The following CCDC149 variants were observed in gnomAD, a reference collection of about 807,000 sequenced individuals.
CCDC149 encodes coiled-coil domain containing 149, also known as coiled-coil domain-containing protein 149.
CCDC149 carries 45 observed loss-of-function variants against 59.9 expected under a neutral mutation model. That is an observed-to-expected ratio of 0.75 (90% CI 0.59 to 0.96). The LOEUF (loss-of-function observed/expected upper bound fraction) is 0.96. Ranked by LOEUF, CCDC149 falls within the 40% of genes least tolerant of loss-of-function variation. The pLI is 0.00. For synonymous variants in CCDC149, 245 were observed against 260.6 expected (o/e 0.94, Z 0.58); for missense variants, 584 against 664.7 (o/e 0.88, Z 1.33).
At chr4:24,938,973 G>A (rs185275645) in intron 1 of CCDC149, among the ~76,000 whole-genome samples, 16,091 of 152,268 alleles carry the variant, frequency 0.11, 1,002 homozygotes, top group African/African-American at 0.17. Context: ...TGGGGGCAGG[G>A]CACAGACAAA....
chr4:24,907,634 G>C (rs946832379), intron 1 of CCDC149, among the ~76,000 whole-genome samples: 2 of 152,178 alleles, frequency 1.3e-5, no homozygotes, highest in Non-Finnish European at 2.9e-5. Flanking sequence ...CAAAGATGGA[G>C]AGAAACTGTC....
chr4:24,805,090 C>A (rs1456570942), downstream of CCDC149, among the ~76,000 whole-genome samples: 4 of 152,084 alleles, frequency 2.6e-5, no homozygotes, highest in Non-Finnish European at 4.4e-5. Flanking sequence ...CTTCTACAGG[C>A]CTTAATCAAA....
At chr4:24,846,685 T>C (rs1371344351) in intron 4 of CCDC149, among the ~76,000 whole-genome samples, 1 of 152,104 alleles carries the variant, frequency 6.6e-6, no homozygotes, top group Non-Finnish European at 1.5e-5. Context: ...AAAACAGAGG[T>C]ACCTAAAGAC....
intron 1 of CCDC149, among the ~76,000 whole-genome samples, chr4:24,953,861 A>C (rs572872008): frequency 5.9e-5 from 9 of 152,342 alleles, no homozygotes; most frequent in South Asian, 4.1e-4. Context: ...AGAAACCAAA[A>C]GAAATTATGG....
chr4:24,934,763 AG>A (rs1722691655), intron 1 of CCDC149, among the ~76,000 whole-genome samples: 1 of 152,204 alleles, frequency 6.6e-6, no homozygotes, highest in African/African-American at 2.4e-5. Context: ...ATGAGGACAA[AG>A]GCCTTGAGAT....
intron 1 of CCDC149, among the ~76,000 whole-genome samples, chr4:24,923,505 A>T (rs2109337834): frequency 6.6e-6 from 1 of 152,338 alleles, no homozygotes; most frequent in East Asian, 1.9e-4. Context: ...TTTCTTTGAG[A>T]GATCTAATAG....
chr4:24,845,532 C>G (rs1717232021), intron 4 of CCDC149, among the ~76,000 whole-genome samples: 1 of 152,234 alleles, frequency 6.6e-6, no homozygotes, highest in African/African-American at 2.4e-5. Context: ...CCAGTCGTAA[C>G]TACACAATAC....
intron 1 of CCDC149, 104 bp from the exon 2 acceptor site, chr4:24,876,801 A>C: frequency 7.7e-6 from 9 of 1,162,736 alleles, no homozygotes; most frequent in East Asian, 2.6e-5. Context: ...TGCCATTCTC[A>C]TTTTTAGAGC....
chr4:24,944,407 G>T (rs1723043771), intron 1 of CCDC149, among the ~76,000 whole-genome samples: 1 of 152,070 alleles, frequency 6.6e-6, no homozygotes, highest in African/African-American at 2.4e-5. Flanking sequence ...TGTGGGGTGG[G>T]GGGATGGGGG....
At chr4:24,870,084 T>C (rs1718943608) in intron 3 of CCDC149, among the ~76,000 whole-genome samples, 1 of 152,194 alleles carries the variant, frequency 6.6e-6, no homozygotes. Flanking sequence ...TGTGCTTAAG[T>C]CGGCAAAGTG....
intron 1 of CCDC149, among the ~76,000 whole-genome samples, chr4:24,926,208 A>G (rs1239677852): frequency 6.6e-6 from 1 of 152,210 alleles, no homozygotes; most frequent in Non-Finnish European, 1.5e-5. Context: ...AAAAAAAAGA[A>G]AAAAAGGAAT....
intron 1 of CCDC149, among the ~76,000 whole-genome samples, chr4:24,967,697 G>A (rs1723839865): frequency 6.6e-6 from 1 of 150,934 alleles, no homozygotes; most frequent in African/African-American, 2.4e-5. Flanking sequence ...TCCAGAAGGG[G>A]TCTAGCTATT....
At chr4:24,898,903 G>A (rs1368341281) in intron 1 of CCDC149, among the ~76,000 whole-genome samples, 10 of 152,198 alleles carry the variant, frequency 6.6e-5, no homozygotes, top group Admixed American at 6.5e-4. Context: ...CCAGAGTCAG[G>A]AGTACTATGA....
Position 24,966,631 on chromosome 4 carries a change from G to T in CCDC149, c.-65+13438C>A, listed in dbSNP as rs145227470. ...GTGGATAGATTTGATTTTTGTCAGG[G>T]TTGACCAAGAGAAAATCGGTAAGCA... On this transcript the variant is annotated intron_variant, in intron 1 of 12. Coordinates refer to the CCDC149 transcript ENST00000389609. Among the ~76,000 whole-genome samples, 787 of 152,300 alleles carry T rather than the reference G, an allele frequency of 5.2e-3. 10 individuals carry two copies. The highest frequency in any genetic ancestry group is 0.017 in the African/African-American group (718 of 41,556).
intron 3 of CCDC149, among the ~76,000 whole-genome samples, chr4:24,853,604 AAAG>A (rs1038618580): frequency 6.6e-5 from 10 of 151,764 alleles, no homozygotes; most frequent in African/African-American, 2.4e-4. Context: ...AAAAAAAAAA[AAAG>A]AGAGAGAGAG....
chr4:24,874,259 TGTTTTGTTTTTTTTTG>T lies in CCDC149; in HGVS notation c.226-556_226-541del, dbSNP rs1241022324. ...TATTAGATTTGTTTTTTTTTTTTTT[TGTTTTGTTTTTTTTTG>T]TTTTTTTGCCTTAAAAGGATTCTGG... is the stretch of plus-strand genomic sequence containing the variant. On this transcript the variant is annotated intron_variant, in intron 2 of 12. Coordinates refer to ENST00000635206, the MANE Select transcript of CCDC149 (RefSeq NM_001330643.2). Among the ~76,000 whole-genome samples, 356 of 86,072 alleles carry T rather than the reference TGTTTTGTTTTTTTTTG, an allele frequency of 4.1e-3. 30 individuals carry two copies. Among genetic ancestry groups the T allele is most frequent in the African/African-American group, 0.014 (316 of 22,406 alleles). 56.5% of individuals were successfully genotyped at this position (86,072 alleles called of 152,430 possible).
intron 12 of CCDC149, among the ~76,000 whole-genome samples, chr4:24,810,351 A>G (rs1714517637): frequency 6.6e-6 from 1 of 152,212 alleles, no homozygotes; most frequent in Non-Finnish European, 1.5e-5. Flanking sequence ...AGTGCACAGA[A>G]CTTATGTATC....
chr4:24,889,324 G>A (rs16876329), intron 1 of CCDC149, among the ~76,000 whole-genome samples: 1 of 152,058 alleles, frequency 6.6e-6, no homozygotes, highest in South Asian at 2.1e-4. Flanking sequence ...AAACGGGCTA[G>A]GAAACCACCT....
rs1040230823 is a variant in CCDC149 at position 24,806,276 on chromosome 4, A to G, written c.*2113T>C. The G allele has an allele frequency of 1.3e-5, 2 of 152,430 alleles. No individual in the cohort carries two copies. The highest frequency in any genetic ancestry group is 1.9e-4 in the East Asian group (1 of 5,176). 9.4% of individuals were successfully genotyped at this position (152,430 alleles called of 1,614,324 possible). ...ACTGGCTCTCATTTCACCTGATAACATAAGACCCTCCCCGCTGACTACACA... is the reference window on the plus strand; with the variant it reads ...ACTGGCTCTCATTTCACCTGATAACGTAAGACCCTCCCCGCTGACTACACA... On this transcript the variant is annotated 3_prime_UTR_variant, in exon 13 of 13. Transcript: ENST00000635206.
Sources: gnomAD v4.1 joint callset for allele counts (sites outside exome capture counted in the v4.1 genomes callset) on GRCh38, gnomAD v4.1.1 for gene constraint, MANE v1.5 for transcripts, NCBI Gene and HGNC (gene_info 2026-07-23, HGNC 2026-07-21) for gene names.